Variants in FAM13A observed in about 807,000 individuals in gnomAD.
The protein encoded by FAM13A is family with sequence similarity 13 member A.
FAM13A carries 76 observed loss-of-function variants against 129.6 expected under a neutral mutation model. The observed-to-expected ratio is 0.59, with a 90% CI of 0.49 to 0.71. The LOEUF (loss-of-function observed/expected upper bound fraction) is 0.71, where lower values mean the gene tolerates loss of function less well. Ranked by LOEUF, FAM13A falls within the 30% of genes least tolerant of loss-of-function variation. The pLI is 0.00. For synonymous variants in FAM13A, 443 were observed against 449.9 expected, an observed-to-expected ratio of 0.98 and a Z score of 0.20; for missense variants, 1,108 against 1,249.3, an observed-to-expected ratio of 0.89 and a Z score of 1.70.
chr4:88,920,664 G>A lies in FAM13A; in HGVS notation c.760-14202C>T, dbSNP rs1444087934. Among the ~76,000 whole-genome samples the A allele has an allele frequency of 7.2e-5, 11 of 152,304 alleles. No homozygotes were observed. In the South Asian group the frequency reaches 1.4e-3, roughly 20 times the overall value. On this transcript the variant is annotated intron_variant, in intron 5 of 23. Transcript: ENST00000264344. Reference sequence around the variant, plus strand: ...AGTGCCTCTCCTCCTCCAAAAGAACGCAGTTCCTCACCAGCAACGGAACAA... The same window carrying A: ...AGTGCCTCTCCTCCTCCAAAAGAACACAGTTCCTCACCAGCAACGGAACAA...
chr4:88,920,894 C>A (rs1264206088), intron 5 of FAM13A, among the ~76,000 whole-genome samples: 2 of 151,920 alleles, frequency 1.3e-5, no homozygotes, highest in African/African-American at 4.8e-5. Context: ...TCGAGAACTA[C>A]GTGAAGAATG....
At chr4:88,953,783 TC>T (rs1757316678) in intron 4 of FAM13A, among the ~76,000 whole-genome samples, 1 of 152,240 alleles carries the variant, frequency 6.6e-6, no homozygotes, top group Non-Finnish European at 1.5e-5. Flanking sequence ...CTCATCCATT[TC>T]CTTCCTTTGT....
At chr4:89,003,360 C>A (rs1336500372) in intron 3 of FAM13A, among the ~76,000 whole-genome samples, 1 of 151,748 alleles carries the variant, frequency 6.6e-6, no homozygotes, top group Non-Finnish European at 1.5e-5. Flanking sequence ...CCTGTAATCC[C>A]AGCACTTTGG....
intron 3 of FAM13A, among the ~76,000 whole-genome samples, chr4:89,011,967 A>G (rs1343183329): frequency 6.6e-6 from 1 of 152,212 alleles, no homozygotes; most frequent in African/African-American, 2.4e-5. Context: ...ATTTCTTTGT[A>G]TTACTCAGTA....
intron 7 of FAM13A, among the ~76,000 whole-genome samples, chr4:88,836,266 G>T (rs749175929): frequency 1.3e-5 from 2 of 152,088 alleles, no homozygotes; most frequent in Non-Finnish European, 2.9e-5. Context: ...AAAAGATTAT[G>T]CAATATGTAT....
At chr4:89,003,646 T>C (rs1056358315) in intron 3 of FAM13A, among the ~76,000 whole-genome samples, 6 of 151,300 alleles carry the variant, frequency 4.0e-5, no homozygotes, top group Non-Finnish European at 7.4e-5. Flanking sequence ...GAAAAAAATA[T>C]ATATACATGT....
chr4:88,739,819 T>C (rs77740834), intron 19 of FAM13A, among the ~76,000 whole-genome samples: 1,884 of 149,348 alleles, frequency 0.013, 53 homozygotes, highest in African/African-American at 0.045. Context: ...ACATATCATG[T>C]AGTTCATTTA....
At chr4:88,849,837 C>T (rs1361896183) in intron 7 of FAM13A, among the ~76,000 whole-genome samples, 3 of 152,196 alleles carry the variant, frequency 2.0e-5, no homozygotes, top group Non-Finnish European at 4.4e-5. Context: ...CATTCAAGGT[C>T]CTCTATGACC....
intron 5 of FAM13A, among the ~76,000 whole-genome samples, chr4:88,934,317 A>T (rs1167352321): frequency 6.6e-6 from 1 of 152,156 alleles, no homozygotes; most frequent in Non-Finnish European, 1.5e-5. Context: ...AGAATATAAG[A>T]ATCATAAGAG....
chr4:89,020,622 C>CGT lies in FAM13A; in HGVS notation c.264_265insAC (p.Val89ThrfsTer7). 6.2e-7 allele frequency: 1 copy of CGT among 1,614,122 alleles called. No homozygotes were observed. Among genetic ancestry groups the CGT allele is most frequent in the Non-Finnish European group, 8.5e-7 (1 of 1,180,016 alleles). On this transcript the variant is annotated frameshift_variant, in exon 3 of 24. Transcript: ENST00000264344. LOFTEE classifies it high-confidence loss of function. ...TCGAACTTCAGTCGAAGTTGTTCCA[C>CGT]CACCTTCACGTTACCATTCACCCTA...
At chr4:88,750,717 G>A in intron 14 of FAM13A, 80 bp from the exon 15 acceptor site, 2 of 1,075,624 alleles carry the variant, frequency 1.9e-6, no homozygotes, top group Non-Finnish European at 2.8e-6. Context: ...TGTTTCCCAG[G>A]CTTCCCAGAT....
chr4:89,019,321 G>A (rs908190768), intron 3 of FAM13A, among the ~76,000 whole-genome samples: 6 of 152,112 alleles, frequency 3.9e-5, no homozygotes, highest in African/African-American at 7.2e-5. Flanking sequence ...ATCTGGCAAC[G>A]AATACTTTTG....
chr4:88,948,948 C>T lies in FAM13A; in HGVS notation c.606-10707G>A, dbSNP rs139584036. Among the ~76,000 whole-genome samples, 1,313 of 152,332 alleles carry T rather than the reference C, an allele frequency of 8.6e-3. 13 individuals are homozygous for T. The highest frequency in any genetic ancestry group is 0.011 in the Non-Finnish European group (739 of 68,020). ...GGTATTAAACTAGATCTTTCTAGTCCTGATCTCTCTTGAGAATCAAAGTTC... is the reference window on the plus strand; with the variant it reads ...GGTATTAAACTAGATCTTTCTAGTCTTGATCTCTCTTGAGAATCAAAGTTC... On this transcript the variant is annotated intron_variant, in intron 4 of 23. Transcript: ENST00000264344.
chr4:88,986,119 T>C (rs904451384), intron 4 of FAM13A, among the ~76,000 whole-genome samples: 1 of 151,844 alleles, frequency 6.6e-6, no homozygotes, highest in Admixed American at 6.6e-5. Flanking sequence ...AACCTCTTTC[T>C]CTTTACATAA....
At position 88,850,544 on chromosome 4, in the gene FAM13A, G is replaced by A. The variant is rs573053177; in HGVS notation, c.1007+476C>T. Among the ~76,000 whole-genome samples, 8 of 152,158 alleles carry A rather than the reference G, an allele frequency of 5.3e-5. No homozygotes were observed. The South Asian group carries it at 1.0e-3, about 20-fold the overall frequency. ...TGCACTCCAGCCTGGGCAACACAGC[G>A]AGACTGTGTCTCAAAAAAAAAAATT... On this transcript the variant is annotated intron_variant, in intron 7 of 23. Transcript: ENST00000264344.
intron 6 of FAM13A, among the ~76,000 whole-genome samples, chr4:88,872,195 C>T (rs193080294): frequency 6.6e-6 from 1 of 152,282 alleles, no homozygotes; most frequent in African/African-American, 2.4e-5. Flanking sequence ...AAAAATATGA[C>T]GAATTGTAAA....
chr4:88,753,928 A>G (rs1277946760), intron 14 of FAM13A, among the ~76,000 whole-genome samples: 3 of 152,188 alleles, frequency 2.0e-5, no homozygotes, highest in Non-Finnish European at 2.9e-5. Context: ...ACCATTCCCA[A>G]TTGCTACTTT....
At chr4:88,906,697 T>G (rs150981622) in intron 5 of FAM13A, among the ~76,000 whole-genome samples, 196 of 152,298 alleles carry the variant, frequency 1.3e-3, no homozygotes, top group African/African-American at 4.5e-3. Context: ...AGTACATATA[T>G]TCAGAGATGA....
At chr4:89,027,752 C>A (rs942630868) in intron 2 of FAM13A, among the ~76,000 whole-genome samples, 1 of 152,006 alleles carries the variant, frequency 6.6e-6, no homozygotes, top group Non-Finnish European at 1.5e-5. Context: ...CACTGTGATA[C>A]CACAATGATC....
Sources: allele counts gnomAD v4.1 joint callset (sites outside exome capture counted in the v4.1 genomes callset), GRCh38; gene constraint gnomAD v4.1.1; transcripts MANE v1.5; gene names NCBI Gene and HGNC (gene_info 2026-07-23, HGNC 2026-07-21).